Variants in DHX32 observed in about 807,000 individuals in gnomAD.
DHX32 encodes the protein putative pre-mRNA-splicing factor ATP-dependent RNA helicase DHX32.
In DHX32, 51 loss-of-function variants were observed where a neutral mutation model predicts 70.0. The observed-to-expected ratio is 0.73, with a 90% CI of 0.58 to 0.92. DHX32 has a LOEUF of 0.92. DHX32 is among the 40% of genes least tolerant of loss of function. DHX32 has a pLI of 0.00. For synonymous variants in DHX32, 310 were observed against 315.3 expected (o/e 0.98, Z 0.18); for missense variants, 762 against 891.8 (o/e 0.85, Z 1.85).
At chr10:125,884,945 G>GTCTCA (rs889602030), upstream of DHX32, among the ~76,000 whole-genome samples, 2 of 151,994 alleles carry the variant, frequency 1.3e-5, no homozygotes, top group East Asian at 1.9e-4. Flanking sequence ...GGCCTAAGTG[G>GTCTCA]TCTCATCTCA....
intron 2 of DHX32, among the ~76,000 whole-genome samples, chr10:125,862,517 C>T (rs1944196595): frequency 6.6e-6 from 1 of 151,592 alleles, no homozygotes; most frequent in African/African-American, 2.4e-5. Context: ...CTCACCTAAG[C>T]ACTGATCTTA....
At chr10:125,847,202 T>G (rs956382447) in intron 6 of DHX32, among the ~76,000 whole-genome samples, 2 of 151,940 alleles carry the variant, frequency 1.3e-5, no homozygotes, top group Non-Finnish European at 2.9e-5. Context: ...TTTTCTAGGT[T>G]GTTCTGGGAC....
chr10:125,888,561 T>G (rs554316822), intron 1 of DHX32, among the ~76,000 whole-genome samples: 3 of 152,400 alleles, frequency 2.0e-5, no homozygotes, highest in South Asian at 4.1e-4. Context: ...AAGGGTGAAA[T>G]AGTAAATTAG....
chr10:125,843,574 T>G (rs956730400), intron 6 of DHX32, among the ~76,000 whole-genome samples: 1 of 151,364 alleles, frequency 6.6e-6, no homozygotes, highest in African/African-American at 2.4e-5. Context: ...ATGGCACCAC[T>G]GCACTCCAGC....
intron 6 of DHX32, among the ~76,000 whole-genome samples, chr10:125,843,485 G>A (rs1055918580): frequency 6.6e-6 from 1 of 152,064 alleles, no homozygotes; most frequent in Non-Finnish European, 1.5e-5. Flanking sequence ...GGTGGCAGGC[G>A]CCTGTGGTCC....
rs767603862 is a variant in DHX32, at chr10:125,840,906, A to G, written c.1634T>C (p.Phe545Ser). The G allele has an allele frequency of 6.2e-7, 1 of 1,612,328 alleles. No individual in the cohort carries two copies. The highest frequency in any genetic ancestry group is 1.1e-5 in the South Asian group (1 of 91,016). The change falls in exon 8 of 11, where the codon TTT becomes TCT. Residue 545 changes from phenylalanine to serine, a missense_variant. By Grantham distance (155) the Phe-to-Ser change is radical. Around this residue, in one of 3 missense-constraint regions of DHX32, gnomAD observed 366 missense variants for 402.6 expected, o/e 0.91. Transcript: ENST00000284690. ...KTFLHPEGDHFTLISIYKAYQ... is the reference protein window; with the variant it reads ...KTFLHPEGDHSTLISIYKAYQ... Reference sequence around the variant, plus strand: ...AGCCTTGTAAATGCTGATGAGGGTAAAGTGATCTCCTTCGGGATGTAAAAA... The same window carrying G: ...AGCCTTGTAAATGCTGATGAGGGTAGAGTGATCTCCTTCGGGATGTAAAAA...
rs1210300806 is a variant in DHX32 at position 125,859,688 on chromosome 10, G to T, written c.764C>A (p.Ser255Tyr). ...GATAAGGCGTAAAATAGACTCAAAA[G>T]AATCCTTTTGAGCCTCACTAAGGTA... ...VVYLSEAQKD[S>Y]FESILRLIFE... is the part of the protein sequence containing the mutation. Residue 255 changes from serine (S) to tyrosine (Y), a missense_variant, in exon 3 of 11, where the codon TCT becomes TAT. Coordinates refer to ENST00000284690, the MANE Select transcript of DHX32 (RefSeq NM_018180.3). The T allele has an allele frequency of 1.2e-6, 2 of 1,613,702 alleles. No homozygotes were observed. Among genetic ancestry groups the T allele is most frequent in the Middle Eastern group, 1.7e-4 (1 of 6,060 alleles).
rs146498800 is a variant in DHX32, at chr10:125,867,043, C to T, written c.423G>A (p.Glu141=). The T allele has an allele frequency of 9.9e-6, 16 of 1,614,124 alleles. No individual in the cohort carries two copies. In the African/African-American group the frequency reaches 1.9e-4, roughly 19 times the overall value. Residue 141 remains glutamate (E), a synonymous_variant, in exon 2 of 11, where the codon GAG becomes GAA. Transcript: ENST00000284690. Reference sequence around the variant, plus strand: ...TCTCGAAAGGGATCACGTAGCCAACCTCATGACCAATGTTAACATCCATTT... The same window carrying T: ...TCTCGAAAGGGATCACGTAGCCAACTTCATGACCAATGTTAACATCCATTT... ...ADEMDVNIGH[E]VGYVIPFENC... is the part of the protein sequence containing the mutation.
At chr10:125,847,410 A>C (rs1435640285) in intron 6 of DHX32, among the ~76,000 whole-genome samples, 1 of 152,242 alleles carries the variant, frequency 6.6e-6, no homozygotes, top group African/African-American at 2.4e-5. Context: ...AACATAATGC[A>C]TTCTATAACA....
At chr10:125,892,170 T>C (rs1464139269) in intron 1 of DHX32, among the ~76,000 whole-genome samples, 7 of 152,234 alleles carry the variant, frequency 4.6e-5, no homozygotes, top group Non-Finnish European at 1.0e-4. Context: ...CACCCCACTG[T>C]CATCCCTGGC....
chr10:125,852,387 T>A lies in DHX32; in HGVS notation c.1257A>T (p.Ala419=). The stretch of plus-strand genomic sequence containing the variant: ...TTGTTAGGTTGGCTTCCTGCATTTC[T>A]GCTGGCTTCAGTGGCGTCATGTCTT... ...ASKDMTPLKP[A]EMQEANLTSM... is the part of the protein sequence containing the mutation. The change falls in exon 6 of 11, where the codon GCA becomes GCT. Residue 419 remains alanine (A), a synonymous_variant. Transcript: ENST00000284690. 1 of 1,614,230 alleles carries A rather than the reference T, an allele frequency of 6.2e-7. No homozygotes were observed. Among genetic ancestry groups the A allele is most frequent in the East Asian group, 2.2e-5 (1 of 44,890 alleles).
chr10:125,871,622 C>T (rs530773691), intron 1 of DHX32, among the ~76,000 whole-genome samples: 1 of 152,340 alleles, frequency 6.6e-6, no homozygotes, highest in South Asian at 2.1e-4. Flanking sequence ...TCCAGTTTTA[C>T]ATGCCTTCTG....
intron 2 of DHX32, among the ~76,000 whole-genome samples, chr10:125,865,128 A>G (rs1362978507): frequency 1.3e-5 from 2 of 152,082 alleles, no homozygotes. Context: ...CCATCATTTA[A>G]TTAAAAACAT....
In DHX32 at chr10:125,880,422, GAAT is replaced by G. The variant is rs546378100; in HGVS notation, c.282+118_282+120del. 2,292 of 1,038,176 alleles carry G rather than the reference GAAT, an allele frequency of 2.2e-3. 4 individuals are homozygous for G. Among genetic ancestry groups the G allele is most frequent in the Non-Finnish European group, 2.9e-3 (2,195 of 745,358 alleles). 64.3% of individuals were successfully genotyped at this position (1,038,176 alleles called of 1,614,324 possible). A position where few individuals can be genotyped will look rare whatever the true frequency, so the allele number is the denominator to read the frequency against. On this transcript the variant is annotated intron_variant, in intron 1 of 10. Coordinates refer to ENST00000284690, the MANE Select transcript of DHX32 (RefSeq NM_018180.3). Reference sequence around the variant, plus strand: ...GGTACGTGATTTAATTATTTTATCTGAATAATGTTTTGTTTTTTGTTTTAGACA... The same window carrying G: ...GGTACGTGATTTAATTATTTTATCTGAATGTTTTGTTTTTTGTTTTAGACA...
intron 6 of DHX32, among the ~76,000 whole-genome samples, chr10:125,848,548 G>C (rs1944052794): frequency 6.6e-6 from 1 of 152,166 alleles, no homozygotes; most frequent in South Asian, 2.1e-4. Context: ...CTGGCACCTG[G>C]CATGCTCTGC....
chr10:125,852,492 T>G (rs1470294010), intron 5 of DHX32, 41 bp from the exon 6 acceptor site: 1 of 1,613,568 alleles, frequency 6.2e-7, no homozygotes, highest in South Asian at 1.1e-5. Context: ...ATTTCTGGGT[T>G]GCCTGCATAC....
chr10:125,838,512 C>T (rs936658362), intron 9 of DHX32, 125 bp from the exon 10 acceptor site: 51 of 891,702 alleles, frequency 5.7e-5, no homozygotes, highest in Admixed American at 4.5e-4. Context: ...GTTTGCCACT[C>T]ATGTTTCCTA....
chr10:125,841,339 G>C (rs1854874022), intron 7 of DHX32: 1 of 1,614,106 alleles, frequency 6.2e-7, no homozygotes. Flanking sequence ...TGGTTGGTCT[G>C]TTCCCCCAGT....
intron 3 of DHX32, among the ~76,000 whole-genome samples, chr10:125,855,822 C>G (rs1944142642): frequency 6.6e-6 from 1 of 152,140 alleles, no homozygotes; most frequent in Non-Finnish European, 1.5e-5. Flanking sequence ...ATAATTATGG[C>G]CACTAATTCT....
Sources: allele counts gnomAD v4.1 joint callset (sites outside exome capture counted in the v4.1 genomes callset), GRCh38; gene constraint gnomAD v4.1.1; regional missense constraint gnomAD v4.1.1; transcripts MANE v1.5; gene names NCBI Gene and HGNC (gene_info 2026-07-23, HGNC 2026-07-21).